WRAP53: variants seen among roughly 807,000 people sequenced by gnomAD.
The protein encoded by WRAP53 is telomerase Cajal body protein 1.
WRAP53 carries 28 observed loss-of-function variants against 56.6 expected under a neutral mutation model. The observed-to-expected ratio is 0.50, with a 90% CI of 0.37 to 0.68. The LOEUF is 0.68. WRAP53 is among the 30% of genes least tolerant of loss of function. The pLI, the probability that WRAP53 is intolerant of heterozygous loss-of-function variation, is 0.00. For synonymous variants in WRAP53, 283 were observed against 283.4 expected (o/e 1.00, Z 0.01); for missense variants, 671 against 715.5 (o/e 0.94, Z 0.71).
At position 7,702,194 on chromosome 17, in the gene WRAP53, C is replaced by T. The variant is rs2074284099; in HGVS notation, c.956-150C>T. 1.2e-6 allele frequency: 1 copy of T among 834,450 alleles called. No homozygotes were observed. The highest frequency in any genetic ancestry group is 1.7e-5 in the African/African-American group (1 of 59,554). 51.7% of individuals were successfully genotyped at this position (834,450 alleles called of 1,614,324 possible). A position where few individuals can be genotyped will look rare whatever the true frequency, so the allele number is the denominator to read the frequency against. On this transcript the variant is annotated intron_variant, in intron 7 of 10. Transcript: ENST00000396463. The surrounding 1 kb of genome is among the most constrained non-coding windows in gnomAD (Gnocchi z 5.0). ...TTGGGAGGATAGATGTGGGGAGCAT[C>T]AGAGGTCTTTGTCCTGCTTGTGACA... is the stretch of plus-strand genomic sequence containing the variant.
At chr17:7,698,603 C>T (rs1328873915) in intron 4 of WRAP53, among the ~76,000 whole-genome samples, 5 of 152,152 alleles carry the variant, frequency 3.3e-5, no homozygotes, top group Admixed American at 6.6e-5. Context: ...GCAGGCTGGG[C>T]GTGGTGTCTC....
At chr17:7,691,398 T>G (rs1354669156) in intron 4 of WRAP53, among the ~76,000 whole-genome samples, 1 of 149,964 alleles carries the variant, frequency 6.7e-6, no homozygotes, top group Non-Finnish European at 1.5e-5. Flanking sequence ...AGGTGTTTTT[T>G]TTTTTTTTTT....
chr17:7,699,458 TTATATATA>T (rs1165734343), intron 4 of WRAP53, among the ~76,000 whole-genome samples: 46 of 39,870 alleles, frequency 1.2e-3, no homozygotes, highest in African/African-American at 6.8e-3. Flanking sequence ...ATATATATAT[TTATATATA>T]TATATATATT....
rs371006232 is a variant in WRAP53 at position 7,702,428 on chromosome 17, G to A, written c.1040G>A (p.Arg347His). 69 of 1,613,900 alleles carry A rather than the reference G, an allele frequency of 4.3e-5. No homozygotes were observed. Among genetic ancestry groups the A allele is most frequent in the Non-Finnish European group, 5.7e-5 (67 of 1,180,018 alleles). Residue 347 changes from arginine (R) to histidine (H), a missense_variant, in exon 8 of 11, where the codon CGC (arginine) becomes CAC (histidine). By Grantham distance (29) the Arg-to-His change is conservative (BLOSUM62 0). Around this residue, in one of 3 missense-constraint regions of WRAP53, gnomAD observed 158 missense variants for 215.7 expected, o/e 0.73. Coordinates refer to ENST00000396463, the MANE Select transcript of WRAP53 (RefSeq NM_001143992.2). The surrounding 1 kb of genome is among the most constrained non-coding windows in gnomAD (Gnocchi z 5.0). ...QPLYACGSYGRSLGLYAWDDG... is the reference protein window; with the variant it reads ...QPLYACGSYGHSLGLYAWDDG... ...CTCTATGCCTGTGGCTCCTACGGCC[G>A]CTCCCTGGGTCTGTATGCCTGGGAT...
chr17:7,688,196 G>GC (rs199831002), upstream of WRAP53: 2 of 185,216 alleles, frequency 1.1e-5, no homozygotes, highest in Admixed American at 1.1e-4. Flanking sequence ...CAGGCGGCGG[G>GC]GGGGCGGTGC....
chr17:7,692,026 A>T (rs1424117721), intron 4 of WRAP53, among the ~76,000 whole-genome samples: 2 of 150,792 alleles, frequency 1.3e-5, no homozygotes, highest in Non-Finnish European at 3.0e-5. Flanking sequence ...TTTTTAGTAG[A>T]GATGGGGGGT....
chr17:7,695,181 T>G (rs1400962839), intron 4 of WRAP53, among the ~76,000 whole-genome samples: 7 of 151,974 alleles, frequency 4.6e-5, no homozygotes, highest in Non-Finnish European at 1.0e-4. Flanking sequence ...GGTCTCGATC[T>G]CCTGACCTCG....
chr17:7,687,573 CAA>C, upstream of WRAP53: 1 of 398,716 alleles, frequency 2.5e-6, no homozygotes, highest in Non-Finnish European at 4.4e-6. Flanking sequence ...GCTCCTGGCA[CAA>C]AGCTGGACAG....
At chr17:7,697,496 A>G (rs2074202275) in intron 4 of WRAP53, among the ~76,000 whole-genome samples, 1 of 151,496 alleles carries the variant, frequency 6.6e-6, no homozygotes, top group South Asian at 2.1e-4. Flanking sequence ...CATCTCTACT[A>G]AAAAGTATAA....
At chr17:7,700,692 G>A in intron 4 of WRAP53, 49 bp from the exon 5 acceptor site, 9 of 1,388,266 alleles carry the variant, frequency 6.5e-6, no homozygotes, top group Non-Finnish European at 8.2e-6. Context: ...ACGCGCCTCA[G>A]ACTCCTTTTC....
At position 7,702,844 on chromosome 17, in the gene WRAP53, C is replaced by T. The variant is rs376456857; in HGVS notation, c.1266C>T (p.Asp422=). ...TTNQRIYFDL[D]PTGQFLVSGS... ...ATCAGCGCATCTACTTCGATCTGGA[C>T]CCGTGAGTGGCTGTGACTCCTTCCT... The change falls in exon 9 of 11, where the codon GAC becomes GAT. Residue 422 remains aspartate (D), a splice_region_variant and synonymous_variant. Transcript: ENST00000396463. The surrounding 1 kb of genome is among the most constrained non-coding windows in gnomAD (Gnocchi z 5.0). 6.2e-6 allele frequency: 10 copies of T among 1,613,754 alleles called. No individual in the cohort carries two copies. The African/African-American group carries it at 9.3e-5, about 15-fold the overall frequency.
intron 4 of WRAP53, among the ~76,000 whole-genome samples, chr17:7,692,881 G>T (rs2074132409): frequency 6.7e-6 from 1 of 150,078 alleles, no homozygotes; most frequent in Non-Finnish European, 1.5e-5. Context: ...CCTCTCCCGA[G>T]TAGCTGGGAC....
At chr17:7,692,620 C>CAAAAAAAAA (rs1178226250) in intron 4 of WRAP53, among the ~76,000 whole-genome samples, 1 of 59,042 alleles carries the variant, frequency 1.7e-5, no homozygotes, top group Non-Finnish European at 3.2e-5. Context: ...GACTCCGTCT[C>CAAAAAAAAA]AAAAAAAAAA....
intron 4 of WRAP53, among the ~76,000 whole-genome samples, chr17:7,693,032 C>A (rs936608062): frequency 6.6e-6 from 1 of 151,956 alleles, no homozygotes; most frequent in African/African-American, 2.4e-5. Context: ...TGAGCCACCG[C>A]GCCCAGCCCC....
chr17:7,694,774 C>T (rs560171564), intron 4 of WRAP53, among the ~76,000 whole-genome samples: 1 of 151,848 alleles, frequency 6.6e-6, no homozygotes, highest in South Asian at 2.1e-4. Context: ...GCTGCCATGA[C>T]CTTTGATTGC....
In WRAP53 at chr17:7,701,696, G is replaced by A. The variant is rs1320547759; in HGVS notation, c.862G>A (p.Asp288Asn). Reference protein sequence around the residue: ...TAAHSLCFSPDGSQLFCGFNR... With the variant: ...TAAHSLCFSPNGSQLFCGFNR... Reference sequence around the variant, plus strand: ...AGCCCATTCGCTCTGCTTCTCCCCGGATGGCTCCCAGCTCTTCTGTGGCTT... The same window carrying A: ...AGCCCATTCGCTCTGCTTCTCCCCGAATGGCTCCCAGCTCTTCTGTGGCTT... The change falls in exon 7 of 11, where the codon GAT becomes AAT. Residue 288 changes from aspartate to asparagine, a missense_variant. By Grantham distance (23) the Asp-to-Asn change is conservative. Coordinates refer to ENST00000396463, the MANE Select transcript of WRAP53 (RefSeq NM_001143992.2). The surrounding 1 kb of genome is among the most constrained non-coding windows in gnomAD (Gnocchi z 4.2). The A allele has an allele frequency of 6.2e-7, 1 of 1,614,102 alleles. No homozygotes were observed. Among genetic ancestry groups the A allele is most frequent in the African/African-American group, 1.3e-5 (1 of 74,922 alleles).
upstream of WRAP53, chr17:7,687,603 G>A: frequency 5.0e-6 from 2 of 398,894 alleles, no homozygotes; most frequent in Non-Finnish European, 4.4e-6. Context: ...GACAAGTAAG[G>A]GCAAGTAATC....
rs776366967 is a variant in WRAP53, at chr17:7,688,841, C to T, written c.193C>T (p.Gln65Ter). ...TCCTGTGGCTGGCTCAGCTGTGTCC[C>T]AGGAGCTACGGGAGGGGGACCCAGT... Reference protein sequence around the residue: ...PDPVAGSAVSQELREGDPVSL... With the variant: ...PDPVAGSAVS The change falls in exon 2 of 11, where the codon CAG (glutamine) becomes TAG (stop). Residue 65 changes from glutamine to a stop codon, truncating the protein, a stop_gained. Coordinates refer to ENST00000396463, the MANE Select transcript of WRAP53 (RefSeq NM_001143992.2). LOFTEE classifies it high-confidence loss of function. 1 of 1,614,082 alleles carries T rather than the reference C, an allele frequency of 6.2e-7. No homozygotes were observed. The highest frequency in any genetic ancestry group is 1.3e-5 in the African/African-American group (1 of 74,924).
Position 7,702,386 on chromosome 17 carries a change from T to TCAGCC in WRAP53, c.1010_1014dup (p.Leu339SerfsTer75). The TCAGCC allele has an allele frequency of 1.9e-6, 3 of 1,614,176 alleles. No homozygotes were observed. Among genetic ancestry groups the TCAGCC allele is most frequent in the Non-Finnish European group, 2.5e-6 (3 of 1,180,022 alleles). On this transcript the variant is annotated frameshift_variant, in exon 8 of 11. Coordinates refer to ENST00000396463, the MANE Select transcript of WRAP53 (RefSeq NM_001143992.2). LOFTEE classifies it high-confidence loss of function. The surrounding 1 kb of genome is among the most constrained non-coding windows in gnomAD (Gnocchi z 5.0). ...AGCGGCATCATCTCCTGCATAGCCT[T>TCAGCC]CAGCCCAGCCCAGCCCCTCTATGCC...
Sources: gnomAD v4.1 joint callset for allele counts (sites outside exome capture counted in the v4.1 genomes callset) on GRCh38, gnomAD v4.1.1 for gene constraint, gnomAD v4.1.1 regional missense constraint, Gnocchi (gnomAD v3.1) non-coding constraint, MANE v1.5 for transcripts, NCBI Gene and HGNC (gene_info 2026-07-23, HGNC 2026-07-21) for gene names.